The following TMEM135 variants were observed in gnomAD, a reference collection of about 807,000 sequenced individuals.
TMEM135 encodes peroxisomal membrane protein 52.
TMEM135 carries 30 observed loss-of-function variants against 60.3 expected under a neutral mutation model. The ratio of observed to expected loss-of-function variants is 0.50; its 90% CI spans 0.37 to 0.68. TMEM135 has a LOEUF of 0.68. Ranked by LOEUF, TMEM135 falls within the 30% of genes least tolerant of loss-of-function variation. The pLI is 0.00. For missense variants in TMEM135, 468 were observed against 548.8 expected, an observed-to-expected ratio of 0.85 and a Z score of 1.47; for synonymous variants, 190 against 186.7, an observed-to-expected ratio of 1.02 and a Z score of -0.14.
intron 4 of TMEM135, 109 bp downstream of exon 4, chr11:87,091,504 T>C: frequency 9.3e-7 from 1 of 1,077,538 alleles, no homozygotes; most frequent in Admixed American, 1.9e-5. Flanking sequence ...TTGAGGATAA[T>C]CTTCTCTGTG....
At chr11:87,162,082 G>C (rs78339496) in intron 5 of TMEM135, among the ~76,000 whole-genome samples, 2,567 of 151,976 alleles carry the variant, frequency 0.017, 65 homozygotes, top group East Asian at 0.068. Context: ...AACTTCAAAA[G>C]AATAAGCAAG....
intron 6 of TMEM135, among the ~76,000 whole-genome samples, chr11:87,247,719 T>C (rs1941318388): frequency 6.6e-6 from 1 of 152,130 alleles, no homozygotes; most frequent in South Asian, 2.1e-4. Flanking sequence ...AAGCGCAGTA[T>C]TAGGGTGGGA....
intron 6 of TMEM135, among the ~76,000 whole-genome samples, chr11:87,251,635 A>G (rs1941419922): frequency 6.6e-6 from 1 of 152,082 alleles, no homozygotes; most frequent in African/African-American, 2.4e-5. Context: ...ATATATGTAT[A>G]TAAATTTCCC....
At chr11:87,038,221 A>G (rs1949720401) in intron 1 of TMEM135, 35 bp downstream of exon 1, 1 of 1,591,838 alleles carries the variant, frequency 6.3e-7, no homozygotes. Flanking sequence ...GGGCGAGTTT[A>G]GTCTGGAAGA....
At chr11:87,091,526 A>C in intron 4 of TMEM135, 131 bp downstream of exon 4, 1 of 856,828 alleles carries the variant, frequency 1.2e-6, no homozygotes, top group Non-Finnish European at 1.8e-6. Context: ...TAATGGATAG[A>C]ATTAAATGTT....
chr11:87,259,938 T>C (rs1446132192), intron 6 of TMEM135, among the ~76,000 whole-genome samples: 1 of 152,228 alleles, frequency 6.6e-6, no homozygotes, highest in Non-Finnish European at 1.5e-5. Flanking sequence ...GGCTGAGTGC[T>C]GGCTGTTTAT....
intron 4 of TMEM135, among the ~76,000 whole-genome samples, chr11:87,104,123 G>A (rs1857534115): frequency 6.6e-6 from 1 of 151,992 alleles, no homozygotes; most frequent in African/African-American, 2.4e-5. Context: ...ATATAGATAA[G>A]AGCCCAGTTT....
rs1942401254 is a variant in TMEM135, at chr11:87,299,110, C to CA, written c.552-3180dup. 2.6e-5 allele frequency among the ~76,000 whole-genome samples: 4 copies of CA among 152,090 alleles called. No homozygotes were observed. In the South Asian group the frequency reaches 8.3e-4, roughly 32 times the overall value. On this transcript the variant is annotated intron_variant, in intron 7 of 14. Coordinates refer to ENST00000305494, the MANE Select transcript of TMEM135 (RefSeq NM_022918.4). ...ATCTCAAAAAAAACAAAACCAAAAC[C>CA]AAAAAACCACAAAACTTTACTTCAG...
At chr11:87,305,310 A>G (rs1678353763) in intron 8 of TMEM135, among the ~76,000 whole-genome samples, 1 of 152,102 alleles carries the variant, frequency 6.6e-6, no homozygotes, top group Admixed American at 6.5e-5. Flanking sequence ...ATTTTTTCAT[A>G]TTTAACCACA....
chr11:87,299,587 ATATACT>A (rs1942408974), intron 7 of TMEM135, among the ~76,000 whole-genome samples: 1 of 152,184 alleles, frequency 6.6e-6, no homozygotes, highest in South Asian at 2.1e-4. Context: ...TCACTGATAG[ATATACT>A]TAGTGTACAT....
chr11:87,041,860 A>G (rs767599270), intron 1 of TMEM135, among the ~76,000 whole-genome samples: 12 of 152,248 alleles, frequency 7.9e-5, no homozygotes, highest in Non-Finnish European at 1.2e-4. Flanking sequence ...AATGAACAGG[A>G]CTTAGAGACC....
intron 5 of TMEM135, among the ~76,000 whole-genome samples, chr11:87,179,312 C>G (rs1032180524): frequency 6.6e-6 from 1 of 151,978 alleles, no homozygotes; most frequent in East Asian, 1.9e-4. Context: ...ATATATTTTC[C>G]CAGATCGTGG....
chr11:87,085,130 T>C (rs1857068625), intron 3 of TMEM135, among the ~76,000 whole-genome samples: 1 of 152,236 alleles, frequency 6.6e-6, no homozygotes, highest in Admixed American at 6.5e-5. Flanking sequence ...AAATTATTGG[T>C]CTGATATAGT....
intron 5 of TMEM135, among the ~76,000 whole-genome samples, chr11:87,171,949 A>G (rs1317058439): frequency 6.6e-6 from 1 of 152,166 alleles, no homozygotes; most frequent in Non-Finnish European, 1.5e-5. Context: ...AAGCTCAGGC[A>G]GTAATGCTCG....
intron 1 of TMEM135, among the ~76,000 whole-genome samples, chr11:87,056,024 G>C (rs796455526): frequency 3.3e-5 from 5 of 152,238 alleles, no homozygotes; most frequent in African/African-American, 1.2e-4. Context: ...AGGGGAACGC[G>C]TCCACCCTAG....
chr11:87,157,538 G>A (rs141890792), intron 5 of TMEM135, 132 bp downstream of exon 5: 6 of 744,124 alleles, frequency 8.1e-6, no homozygotes, highest in Non-Finnish European at 1.1e-5. Flanking sequence ...AATATTGAGT[G>A]TACCTGATGA....
At chr11:87,264,518 C>G (rs539617335) in intron 6 of TMEM135, among the ~76,000 whole-genome samples, 1 of 151,926 alleles carries the variant, frequency 6.6e-6, no homozygotes, top group South Asian at 2.1e-4. Context: ...AGGAACTATA[C>G]TTTGCATTAG....
At chr11:87,125,320 G>A (rs1937692909) in intron 4 of TMEM135, among the ~76,000 whole-genome samples, 1 of 152,212 alleles carries the variant, frequency 6.6e-6, no homozygotes, top group African/African-American at 2.4e-5. Flanking sequence ...GTCAGAGGTG[G>A]AAGTGCTAGG....
intron 9 of TMEM135, among the ~76,000 whole-genome samples, 164 bp downstream of exon 9, chr11:87,306,169 C>T (rs1028346609): frequency 2.6e-5 from 4 of 152,086 alleles, no homozygotes; most frequent in South Asian, 2.1e-4. Flanking sequence ...CAATAGGTGA[C>T]GATTTAGCTT....
Sources: allele counts gnomAD v4.1 joint callset (sites outside exome capture counted in the v4.1 genomes callset), GRCh38; gene constraint gnomAD v4.1.1; transcripts MANE v1.5; gene names NCBI Gene and HGNC (gene_info 2026-07-23, HGNC 2026-07-21).